FREM2: variants seen among roughly 807,000 people sequenced by gnomAD.
The protein encoded by FREM2 is FRAS1-related extracellular matrix protein 2.
Under a neutral mutation model 219.9 loss-of-function variants are expected in FREM2, and 119 were observed. The ratio of observed to expected loss-of-function variants is 0.54; its 90% CI spans 0.47 to 0.63. FREM2 has a LOEUF of 0.63. Among genes scored for constraint, FREM2 ranks in the 30% least tolerant of loss-of-function variants. The pLI, the probability that FREM2 is intolerant of heterozygous loss-of-function variation, is 0.00. For synonymous variants in FREM2, 1,562 were observed against 1,522.8 expected (o/e 1.03, Z -0.60); for missense variants, 4,030 against 3,993.6 (o/e 1.01, Z -0.25).
chr13:38,721,739 G>A (rs964110057), intron 2 of FREM2, among the ~76,000 whole-genome samples: 1 of 152,130 alleles, frequency 6.6e-6, no homozygotes, highest in African/African-American at 2.4e-5. Flanking sequence ...TTTCTTTTTG[G>A]TAAGTCAATT....
intron 14 of FREM2, 62 bp from the exon 15 acceptor site, chr13:38,861,369 C>A: frequency 6.5e-7 from 1 of 1,547,182 alleles, no homozygotes; most frequent in Non-Finnish European, 8.9e-7. Flanking sequence ...TTTTCTAAAA[C>A]ATTCTTTAGG....
chr13:38,855,356 A>G (rs1281250980), intron 11 of FREM2, among the ~76,000 whole-genome samples: 1 of 152,216 alleles, frequency 6.6e-6, no homozygotes, highest in Non-Finnish European at 1.5e-5. Context: ...TATGTACATA[A>G]TGTAAATCCC....
chr13:38,700,618 T>C (rs1361369257), intron 2 of FREM2, among the ~76,000 whole-genome samples: 2 of 152,084 alleles, frequency 1.3e-5, no homozygotes, highest in Admixed American at 1.3e-4. Context: ...CAAAAAAAAC[T>C]TAGTATGATT....
chr13:38,722,745 G>GTT (rs78258671), intron 2 of FREM2, among the ~76,000 whole-genome samples: 23,379 of 139,848 alleles, frequency 0.17, 2,119 homozygotes, highest in Admixed American at 0.22. Context: ...AGCTGGTAAC[G>GTT]TTTTTTTTTT....
intron 6 of FREM2, among the ~76,000 whole-genome samples, chr13:38,803,330 A>G (rs1354979531): frequency 2.0e-5 from 3 of 152,154 alleles, no homozygotes; most frequent in African/African-American, 7.2e-5. Flanking sequence ...TCTCTGTGCT[A>G]ACTCTTAACT....
chr13:38,737,513 T>C (rs1391104553), intron 2 of FREM2, among the ~76,000 whole-genome samples: 9 of 152,240 alleles, frequency 5.9e-5, no homozygotes, highest in East Asian at 5.8e-4. Context: ...ATACCAGTTC[T>C]AAAGTATTAC....
chr13:38,831,900 G>A (rs147106139), intron 6 of FREM2, among the ~76,000 whole-genome samples: 4 of 151,942 alleles, frequency 2.6e-5, no homozygotes, highest in East Asian at 1.9e-4. Context: ...GATTATAGCC[G>A]TGAGCTACTG....
intron 2 of FREM2, among the ~76,000 whole-genome samples, chr13:38,738,635 A>G (rs1814327281): frequency 1.3e-5 from 2 of 150,576 alleles, no homozygotes; most frequent in Non-Finnish European, 3.0e-5. Context: ...TGGTTTAGAG[A>G]TGAGAAAAAT....
chr13:38,752,218 C>T (rs1191026220), intron 2 of FREM2, among the ~76,000 whole-genome samples: 1 of 152,104 alleles, frequency 6.6e-6, no homozygotes, highest in East Asian at 1.9e-4. Flanking sequence ...TCTTTCCCTC[C>T]TTCTCTCCTT....
At chr13:38,865,851 G>A (rs1286434229) in intron 16 of FREM2, among the ~76,000 whole-genome samples, 2 of 152,340 alleles carry the variant, frequency 1.3e-5, no homozygotes, top group East Asian at 1.9e-4. Flanking sequence ...GTTTCTAGCT[G>A]TATGTCTTTG....
intron 6 of FREM2, among the ~76,000 whole-genome samples, chr13:38,791,798 G>T (rs1040290299): frequency 1.3e-5 from 2 of 152,126 alleles, no homozygotes; most frequent in African/African-American, 4.8e-5. Context: ...GAAGCCAAAA[G>T]CAACATATTT....
At position 38,859,595 on chromosome 13, in the gene FREM2, G is replaced by A; in HGVS notation, c.7519+5G>A. The A allele has an allele frequency of 6.2e-7, 1 of 1,613,130 alleles. No individual in the cohort carries two copies. The highest frequency in any genetic ancestry group is 1.1e-5 in the South Asian group (1 of 90,910). On this transcript the variant is annotated splice_donor_5th_base_variant and intron_variant, in intron 14 of 23. Coordinates refer to ENST00000280481, the MANE Select transcript of FREM2 (RefSeq NM_207361.6). ...TAACCATCAGCAGAGAAGAAGGTCA[G>A]TCATTGCCATTTTCCCCTGAAGATC...
At chr13:38,809,195 A>G (rs1243456174) in intron 6 of FREM2, among the ~76,000 whole-genome samples, 3 of 149,438 alleles carry the variant, frequency 2.0e-5, no homozygotes, top group Non-Finnish European at 4.4e-5. Flanking sequence ...AGTATTTTTT[A>G]TATCATTCAT....
chr13:38,747,066 C>T (rs750138947), intron 2 of FREM2, among the ~76,000 whole-genome samples: 4 of 152,144 alleles, frequency 2.6e-5, no homozygotes, highest in South Asian at 4.1e-4. Flanking sequence ...AGCATCTGTA[C>T]ATTCTATCAG....
intron 10 of FREM2, 81 bp downstream of exon 10, chr13:38,851,189 A>G: frequency 1.5e-5 from 21 of 1,401,930 alleles, no homozygotes; most frequent in Non-Finnish European, 2.1e-5. Flanking sequence ...TGACTCAGAA[A>G]AATGCCCCCA....
chr13:38,760,202 A>G (rs76937575), intron 2 of FREM2, among the ~76,000 whole-genome samples: 3 of 152,166 alleles, frequency 2.0e-5, no homozygotes, highest in Admixed American at 6.5e-5. Context: ...TAAATTTTCT[A>G]TGATAGTTAC....
chr13:38,845,875 C>G (rs1400123013), intron 6 of FREM2, among the ~76,000 whole-genome samples: 1 of 152,006 alleles, frequency 6.6e-6, no homozygotes, highest in Non-Finnish European at 1.5e-5. Flanking sequence ...AAGCATGTGC[C>G]CTAGTTTAGT....
intron 2 of FREM2, among the ~76,000 whole-genome samples, chr13:38,738,433 G>A (rs1326246894): frequency 1.3e-5 from 2 of 152,030 alleles, no homozygotes; most frequent in African/African-American, 2.4e-5. Context: ...AGGCGTGGTG[G>A]CACATGCCTG....
intron 2 of FREM2, among the ~76,000 whole-genome samples, chr13:38,745,155 A>T (rs1228259040): frequency 6.6e-6 from 1 of 152,248 alleles, no homozygotes; most frequent in African/African-American, 2.4e-5. Flanking sequence ...TATATAGAAT[A>T]GAATCTGAAA....
Sources: gnomAD v4.1 joint callset for allele counts (sites outside exome capture counted in the v4.1 genomes callset) on GRCh38, gnomAD v4.1.1 for gene constraint, MANE v1.5 for transcripts, NCBI Gene and HGNC (gene_info 2026-07-23, HGNC 2026-07-21) for gene names.